TBCCD1: variants seen among roughly 807,000 people sequenced by gnomAD.
TBCCD1 encodes the protein TBCC domain containing 1.
In TBCCD1, 26 loss-of-function variants were observed where a neutral mutation model predicts 53.4. That is an observed-to-expected ratio of 0.49 (90% CI 0.36 to 0.68). The LOEUF (loss-of-function observed/expected upper bound fraction) is 0.68, where lower values mean the gene tolerates loss of function less well. TBCCD1 is among the 30% of genes least tolerant of loss of function. The pLI, the probability that TBCCD1 is intolerant of heterozygous loss-of-function variation, is 0.00. For missense variants in TBCCD1, 558 were observed against 669.5 expected, an observed-to-expected ratio of 0.83 and a Z score of 1.84; for synonymous variants, 245 against 241.7, an observed-to-expected ratio of 1.01 and a Z score of -0.13.
intron 2 of TBCCD1, among the ~76,000 whole-genome samples, chr3:186,561,934 C>A (rs1374313567): frequency 6.6e-6 from 1 of 152,302 alleles, no homozygotes; most frequent in East Asian, 1.9e-4. Flanking sequence ...ATGTTCATTG[C>A]AGCATTATTG....
In TBCCD1 at chr3:186,551,117, A is replaced by G; in HGVS notation, c.*21+12T>C. On this transcript the variant is annotated intron_variant, in intron 7 of 7. Transcript: ENST00000338733. ...CCCAAAAGAATCTGTTTTAAGTGGT[A>G]TAAATGCCTACCAGTGTCTGCATGT... 2 of 1,602,610 alleles carry G rather than the reference A, an allele frequency of 1.2e-6. No individual in the cohort carries two copies. Among genetic ancestry groups the G allele is most frequent in the Non-Finnish European group, 1.7e-6 (2 of 1,177,024 alleles).
chr3:186,548,168 G>A (rs190425523), intron 7 of TBCCD1, among the ~76,000 whole-genome samples: 5 of 152,272 alleles, frequency 3.3e-5, no homozygotes, highest in Admixed American at 2.6e-4. Context: ...AGATCCACAC[G>A]ATGGAATATT....
chr3:186,565,877 A>T (rs1416970077), intron 1 of TBCCD1, among the ~76,000 whole-genome samples: 1 of 152,236 alleles, frequency 6.6e-6, no homozygotes, highest in Non-Finnish European at 1.5e-5. Flanking sequence ...AAATTGTACC[A>T]TCCTTTGACT....
Position 186,556,432 on chromosome 3 carries a change from T to A in TBCCD1, c.836A>T (p.Lys279Met), listed in dbSNP as rs142740607. 1 of 1,595,624 alleles carries A rather than the reference T, an allele frequency of 6.3e-7. No homozygotes were observed. ...ACCTTGATGAGCCCAAGCCAATTTC[T>A]TTCCAGACTTGAGGCAAGCTGATGT... ...FGTSACLKSG[K>M]KLAWAHQVEG... Residue 279 changes from lysine (K) to methionine (M), a missense_variant, in exon 4 of 8, where the codon AAG (lysine) becomes ATG (methionine). Transcript: ENST00000338733.
rs1485825081 is a variant in TBCCD1 at position 186,555,072 on chromosome 3, G to A, written c.872C>T (p.Thr291Ile). The A allele has an allele frequency of 1.2e-6, 2 of 1,600,884 alleles. No homozygotes were observed. Among genetic ancestry groups the A allele is most frequent in the Non-Finnish European group, 8.5e-7 (1 of 1,174,656 alleles). The change falls in exon 5 of 8, where the codon ACC (threonine) becomes ATC (isoleucine). Residue 291 changes from threonine (T) to isoleucine (I), a missense_variant. Transcript: ENST00000338733. ...ATTACAAGCAATCTTAGCTCTTTTGGTGGTCCCTTCAACTATTTAAGAAAA... is the reference window on the plus strand; with the variant it reads ...ATTACAAGCAATCTTAGCTCTTTTGATGGTCCCTTCAACTATTTAAGAAAA... ...LAWAHQVEGTTKRAKIACNTH... is the reference protein window; with the variant it reads ...LAWAHQVEGTIKRAKIACNTH...
At chr3:186,555,170 T>C (rs1714501213) in intron 4 of TBCCD1, 86 bp from the exon 5 acceptor site, 3 of 1,297,974 alleles carry the variant, frequency 2.3e-6, no homozygotes, top group South Asian at 1.6e-5. Context: ...TCTACATGTA[T>C]ATATGTCTCA....
At position 186,554,253 on chromosome 3, in the gene TBCCD1, CTT is replaced by C; in HGVS notation, c.1543_1544del (p.Lys515GlyfsTer16). 1.2e-6 allele frequency: 2 copies of C among 1,610,566 alleles called. No homozygotes were observed. The highest frequency in any genetic ancestry group is 2.2e-5 in the South Asian group (2 of 90,290). ...AACTGTTACTTGTAAAAAATACTCA[CTT>C]TGTCAAATGAGCCTCCTTCACAGTT... ...QKTVKEAHLT[K>X]DQRKQFQVLV... On this transcript the variant is annotated frameshift_variant and splice_region_variant, in exon 6 of 8. Coordinates refer to ENST00000338733, the MANE Select transcript of TBCCD1 (RefSeq NM_018138.5). LOFTEE classifies it high-confidence loss of function.
upstream of TBCCD1, among the ~76,000 whole-genome samples, chr3:186,568,652 G>A (rs959960375): frequency 2.0e-5 from 3 of 152,258 alleles, no homozygotes; most frequent in Admixed American, 2.0e-4. Context: ...TATAATCCCA[G>A]CAGTTTGGGA....
In TBCCD1 at chr3:186,554,400, G is replaced by A. The variant is rs1283313310; in HGVS notation, c.1398C>T (p.Phe466=). 3 of 1,614,088 alleles carry A rather than the reference G, an allele frequency of 1.9e-6. No homozygotes were observed. The African/African-American group carries it at 4.0e-5, about 22-fold the overall frequency. The change falls in exon 6 of 8, where the codon TTC becomes TTT. Residue 466 remains phenylalanine, a synonymous_variant. Coordinates refer to ENST00000338733, the MANE Select transcript of TBCCD1 (RefSeq NM_018138.5). ...RVFQLLPPCE[F]YVFIIPFEME... ...TTTCAAAGGGAATAATAAATACATA[G>A]AATTCACAAGGTGGTAAAAGCTGGA...
At chr3:186,554,193 A>G (rs1714456105) in intron 6 of TBCCD1, 61 bp downstream of exon 6, 1 of 1,590,644 alleles carries the variant, frequency 6.3e-7, no homozygotes, top group African/African-American at 1.4e-5. Flanking sequence ...TGTGCAGACT[A>G]ATTTGTTTCT....
chr3:186,562,136 G>C (rs947078635), intron 2 of TBCCD1, among the ~76,000 whole-genome samples: 1 of 152,060 alleles, frequency 6.6e-6, no homozygotes, highest in Non-Finnish European at 1.5e-5. Context: ...GAGGCCAAGA[G>C]TTCAAGACCA....
At chr3:186,551,085 A>G (rs1714359043) in intron 7 of TBCCD1, 44 bp downstream of exon 7, 8 of 1,564,714 alleles carry the variant, frequency 5.1e-6, no homozygotes, top group Middle Eastern at 4.8e-4. Flanking sequence ...TATGCTTGAA[A>G]GATTTCCCCA....
chr3:186,547,294 G>A (rs1292183050), intron 7 of TBCCD1, among the ~76,000 whole-genome samples: 2 of 147,240 alleles, frequency 1.4e-5, no homozygotes, highest in Non-Finnish European at 3.0e-5. Context: ...GTCTCGCTCT[G>A]TTGCCCAGGC....
At chr3:186,554,796 T>C (rs558190665) in intron 5 of TBCCD1, 45 bp from the exon 6 acceptor site, 2 of 1,591,488 alleles carry the variant, frequency 1.3e-6, no homozygotes, top group African/African-American at 2.7e-5. Context: ...AATAAGATTT[T>C]AAAAATTTGA....
chr3:186,563,916 A>G, intron 2 of TBCCD1, 78 bp downstream of exon 2: 1 of 1,461,676 alleles, frequency 6.8e-7, no homozygotes, highest in Non-Finnish European at 9.1e-7. Flanking sequence ...AATTGTAATA[A>G]GCAAAAACAT....
chr3:186,567,999 CTTTT>C (rs1320550044), upstream of TBCCD1, among the ~76,000 whole-genome samples: 1 of 152,200 alleles, frequency 6.6e-6, no homozygotes. Context: ...ACATTTCCTG[CTTTT>C]TTTAGTTCCT....
intron 7 of TBCCD1, among the ~76,000 whole-genome samples, chr3:186,548,884 G>C (rs1338454151): frequency 6.6e-6 from 1 of 152,136 alleles, no homozygotes; most frequent in Non-Finnish European, 1.5e-5. Context: ...TGACAACTAT[G>C]TGAGGTTCTA....
intron 2 of TBCCD1, among the ~76,000 whole-genome samples, chr3:186,562,494 A>G (rs1433522930): frequency 2.0e-5 from 3 of 152,220 alleles, no homozygotes; most frequent in African/African-American, 7.2e-5. Context: ...AAACTCATAA[A>G]AACAGACAGA....
At chr3:186,547,858 C>T (rs1489363447) in intron 7 of TBCCD1, among the ~76,000 whole-genome samples, 6 of 151,968 alleles carry the variant, frequency 3.9e-5, no homozygotes, top group Admixed American at 2.6e-4. Flanking sequence ...CCACCCGTCT[C>T]GGCCTCCCGA....
Sources: gnomAD v4.1 joint callset for allele counts (sites outside exome capture counted in the v4.1 genomes callset) on GRCh38, gnomAD v4.1.1 for gene constraint, MANE v1.5 for transcripts, NCBI Gene and HGNC (gene_info 2026-07-23, HGNC 2026-07-21) for gene names.